SPATA31H1: variants seen among roughly 807,000 people sequenced by gnomAD.
SPATA31H1 encodes spermatogenesis-associated protein 31H1.
the SPATA31H1 span, chr2:27,569,509 G>T: frequency 2.5e-6 from 1 of 398,808 alleles, no homozygotes; most frequent in Non-Finnish European, 4.4e-6. Flanking sequence ...GAGTTAACCA[G>T]TGAGTCATCT....
chr2:27,553,638 C>G, the SPATA31H1 span, among the ~76,000 whole-genome samples: 1 of 152,000 alleles, frequency 6.6e-6, no homozygotes, highest in Non-Finnish European at 1.5e-5. Flanking sequence ...ATCTCATTAG[C>G]TGGCCGGGCA....
At chr2:27,539,952 T>C in the SPATA31H1 span, among the ~76,000 whole-genome samples, 3 of 128,404 alleles carry the variant, frequency 2.3e-5, no homozygotes, top group African/African-American at 5.9e-5. Context: ...ACGGGGCGGC[T>C]GGCCAGGCGG....
At chr2:27,581,841 A>C in the SPATA31H1 span, 3 of 1,611,064 alleles carry the variant, frequency 1.9e-6, no homozygotes, top group Admixed American at 1.7e-5. Flanking sequence ...CTCTGAGAGA[A>C]GCCATTGCAG....
chr2:27,558,924 G>A, the SPATA31H1 span, among the ~76,000 whole-genome samples: 1 of 87,662 alleles, frequency 1.1e-5, no homozygotes, highest in South Asian at 4.8e-4. Flanking sequence ...AGAGGGAGGG[G>A]GAGGGAGAGG....
chr2:27,578,696 G>T, the SPATA31H1 span: 2 of 1,614,128 alleles, frequency 1.2e-6, no homozygotes, highest in East Asian at 4.5e-5. Flanking sequence ...TAGGACACGT[G>T]TGTCAGAATA....
the SPATA31H1 span, chr2:27,576,033 C>A: frequency 5.0e-6 from 2 of 398,312 alleles, no homozygotes; most frequent in African/African-American, 4.1e-5. Flanking sequence ...AAAGCTTCTA[C>A]GTGCAGCACC....
At chr2:27,569,901 A>T in the SPATA31H1 span, 1 of 398,744 alleles carries the variant, frequency 2.5e-6, no homozygotes, top group Non-Finnish European at 4.4e-6. Flanking sequence ...TCAAGGCGAA[A>T]AACCTGTAGA....
At chr2:27,541,852 C>A in the SPATA31H1 span, among the ~76,000 whole-genome samples, 1 of 152,028 alleles carries the variant, frequency 6.6e-6, no homozygotes, top group Non-Finnish European at 1.5e-5. Flanking sequence ...CTCACTGCAA[C>A]CTCAACCTCC....
chr2:27,579,044 G>C, the SPATA31H1 span: 1 of 1,614,148 alleles, frequency 6.2e-7, no homozygotes, highest in Non-Finnish European at 8.5e-7. Flanking sequence ...TATCTAAAGA[G>C]ACAACTAAGA....
chr2:27,577,197 C>A, the SPATA31H1 span: 3 of 1,613,956 alleles, frequency 1.9e-6, no homozygotes, highest in African/African-American at 1.3e-5. The surrounding 1 kb of genome is among the most constrained non-coding windows in gnomAD (Gnocchi z 4.5). Flanking sequence ...ATTTGTTGAT[C>A]TGACTCCAAT....
At chr2:27,555,300 A>C in the SPATA31H1 span, among the ~76,000 whole-genome samples, 36,408 of 151,860 alleles carry the variant, frequency 0.24, 5,663 homozygotes, top group East Asian at 0.49. Flanking sequence ...AATTAGGCAT[A>C]CTATGAATAG....
chr2:27,580,117 G>T, the SPATA31H1 span: 2 of 1,614,116 alleles, frequency 1.2e-6, no homozygotes, highest in Non-Finnish European at 1.7e-6. Context: ...TCAAAGTATC[G>T]TGAAAGAGAT....
At chr2:27,552,113 C>T in the SPATA31H1 span, among the ~76,000 whole-genome samples, 6 of 151,946 alleles carry the variant, frequency 3.9e-5, no homozygotes, top group Non-Finnish European at 5.9e-5. Context: ...CGTGCCCAGC[C>T]CTAGACTAGC....
At chr2:27,573,481 C>T in the SPATA31H1 span, 3 of 398,328 alleles carry the variant, frequency 7.5e-6, no homozygotes, top group Middle Eastern at 6.2e-4. Flanking sequence ...GAGTTGACTC[C>T]AAGGCCAAAG....
the SPATA31H1 span, chr2:27,582,412 G>C: frequency 6.2e-6 from 10 of 1,614,240 alleles, no homozygotes; most frequent in Non-Finnish European, 7.6e-6. Context: ...AGTTTCCCTG[G>C]AGAGAGGCCC....
the SPATA31H1 span, chr2:27,577,423 G>A: frequency 6.2e-7 from 1 of 1,614,050 alleles, no homozygotes. The surrounding 1 kb of genome is among the most constrained non-coding windows in gnomAD (Gnocchi z 4.5). Flanking sequence ...GCTGAGGCAA[G>A]GATACAAGCA....
At chr2:27,571,854 AGAG>A in the SPATA31H1 span, 1 of 398,386 alleles carries the variant, frequency 2.5e-6, no homozygotes, top group Non-Finnish European at 4.4e-6. Context: ...GAATATAACC[AGAG>A]GAGAAGAGTT....
At chr2:27,582,167 TGAGAG>T in the SPATA31H1 span, 1 of 1,613,860 alleles carries the variant, frequency 6.2e-7, no homozygotes, top group Non-Finnish European at 8.5e-7. Context: ...GCAGTCCCTC[TGAGAG>T]GAGAGGACAC....
chr2:27,572,676 C>T, the SPATA31H1 span: 4 of 397,816 alleles, frequency 1.0e-5, no homozygotes, highest in Non-Finnish European at 1.8e-5. Context: ...GAAATCTGTG[C>T]AGTGGATACC....
Sources: allele counts gnomAD v4.1 joint callset (sites outside exome capture counted in the v4.1 genomes callset), GRCh38; gene constraint gnomAD v4.1.1; non-coding constraint Gnocchi (gnomAD v3.1); transcripts MANE v1.5; gene names NCBI Gene and HGNC (gene_info 2026-07-23, HGNC 2026-07-21).